Variants in TCF7L1 observed in about 807,000 individuals in gnomAD.
The protein encoded by TCF7L1 is transcription factor 7 like 1.
TCF7L1 carries 18 observed loss-of-function variants against 63.7 expected under a neutral mutation model. The observed-to-expected ratio is 0.28, with a 90% CI of 0.20 to 0.42. TCF7L1 has a LOEUF of 0.42. Among genes scored for constraint, TCF7L1 ranks in the 10% least tolerant of loss-of-function variants. TCF7L1 has a pLI of 1.00. For missense variants in TCF7L1, 654 were observed against 779.3 expected, an observed-to-expected ratio of 0.84 and a Z score of 1.91; for synonymous variants, 355 against 340.9, an observed-to-expected ratio of 1.04 and a Z score of -0.46.
intron 3 of TCF7L1, among the ~76,000 whole-genome samples, chr2:85,140,553 C>T (rs1677703627): frequency 6.6e-6 from 1 of 152,010 alleles, no homozygotes; most frequent in Admixed American, 6.6e-5. Flanking sequence ...AATCCCAGCT[C>T]TTTGGGAGGT....
chr2:85,198,955 C>T lies in TCF7L1; in HGVS notation c.441+64505C>T, dbSNP rs573497946. 2.6e-5 allele frequency among the ~76,000 whole-genome samples: 4 copies of T among 152,248 alleles called. No homozygotes were observed. In the South Asian group the frequency reaches 8.3e-4, roughly 32 times the overall value. The stretch of plus-strand genomic sequence containing the variant: ...CCAGAGATAAGTAGGTGATGTAAAC[C>T]TCATCTTCCCAGCCCTGTAAAGAAA... On this transcript the variant is annotated intron_variant, in intron 3 of 11. Coordinates refer to ENST00000282111, the MANE Select transcript of TCF7L1 (RefSeq NM_031283.3).
chr2:85,283,289 G>A lies in TCF7L1; in HGVS notation c.442-206G>A, dbSNP rs148275811. Among the ~76,000 whole-genome samples the A allele has an allele frequency of 4.7e-3, 689 of 145,218 alleles. 4 individuals are homozygous for A. The highest frequency in any genetic ancestry group is 0.017 in the African/African-American group (629 of 36,138). ...GTCCCCCCCCCCAAAATGACATAGGGCGTGGTGAGGCTGGTAGTGATTGTA... is the reference window on the plus strand; with the variant it reads ...GTCCCCCCCCCCAAAATGACATAGGACGTGGTGAGGCTGGTAGTGATTGTA... On this transcript the variant is annotated intron_variant, in intron 3 of 11. Coordinates refer to ENST00000282111, the MANE Select transcript of TCF7L1 (RefSeq NM_031283.3).
intron 3 of TCF7L1, among the ~76,000 whole-genome samples, chr2:85,136,827 G>A (rs1458368452): frequency 6.6e-6 from 1 of 152,150 alleles, no homozygotes; most frequent in Non-Finnish European, 1.5e-5. Context: ...TGGTTGTCTG[G>A]ACTATAGGGT....
At position 85,134,507 on chromosome 2, in the gene TCF7L1, C is replaced by G; in HGVS notation, c.441+57C>G. ...GGGAGGCCGCGGCCCGCAGGATGCGCCCCCGGGCTTGGCCATGGAGTGGGG... is the reference window on the plus strand; with the variant it reads ...GGGAGGCCGCGGCCCGCAGGATGCGGCCCCGGGCTTGGCCATGGAGTGGGG... On this transcript the variant is annotated intron_variant, in intron 3 of 11. Transcript: ENST00000282111. This position sits in a 1 kb window ranked among gnomAD's most constrained non-coding sequence, Gnocchi z 5.0. 6.5e-7 allele frequency: 1 copy of G among 1,536,044 alleles called. No homozygotes were observed. Among genetic ancestry groups the G allele is most frequent in the Non-Finnish European group, 8.8e-7 (1 of 1,140,268 alleles).
chr2:85,163,424 C>T (rs1463015873), intron 3 of TCF7L1, among the ~76,000 whole-genome samples: 1 of 152,146 alleles, frequency 6.6e-6, no homozygotes, highest in African/African-American at 2.4e-5. Context: ...ATCACCCAGT[C>T]ACATCATCCA....
Position 85,306,201 on chromosome 2 carries a change from C to T in TCF7L1, c.990-5C>T. On this transcript the variant is annotated splice_region_variant and splice_polypyrimidine_tract_variant and intron_variant, in intron 8 of 11. Coordinates refer to ENST00000282111, the MANE Select transcript of TCF7L1 (RefSeq NM_031283.3). The surrounding 1 kb of genome is among the most constrained non-coding windows in gnomAD (Gnocchi z 4.3). ...ATGCTAACCTACAACCACGTGCCTT[C>T]CCAGGAAATCACCAGTCACCGTGAA... 1.2e-6 allele frequency: 2 copies of T among 1,614,026 alleles called. No homozygotes were observed. The highest frequency in any genetic ancestry group is 1.7e-6 in the Non-Finnish European group (2 of 1,179,974).
chr2:85,276,192 C>CT (rs1681265477), intron 3 of TCF7L1, among the ~76,000 whole-genome samples: 1 of 152,202 alleles, frequency 6.6e-6, no homozygotes. Flanking sequence ...ATTGGGAAAG[C>CT]TTTTCTGTCT....
chr2:85,144,719 CTG>C lies in TCF7L1; in HGVS notation c.441+10299_441+10300del, dbSNP rs772295408. 6.0e-3 allele frequency among the ~76,000 whole-genome samples: 845 copies of C among 140,490 alleles called. 5 individuals are homozygous for C. The highest frequency in any genetic ancestry group is 0.015 in the African/African-American group (566 of 36,678). 92.2% of individuals were successfully genotyped at this position (140,490 alleles called of 152,430 possible). A position where few individuals can be genotyped will look rare whatever the true frequency, so the allele number is the denominator to read the frequency against. On this transcript the variant is annotated intron_variant, in intron 3 of 11. Transcript: ENST00000282111. ...CCCATCCCCCTTTCTCTCTCTCTCT[CTG>C]TGTGTGTGTGTGTGTGTGTGTGTGT...
intron 3 of TCF7L1, among the ~76,000 whole-genome samples, chr2:85,270,174 G>T (rs962715984): frequency 6.6e-6 from 1 of 152,188 alleles, no homozygotes; most frequent in African/African-American, 2.4e-5. Flanking sequence ...CCAGATAAGC[G>T]CTTCCTGTTC....
intron 3 of TCF7L1, among the ~76,000 whole-genome samples, chr2:85,147,952 C>T (rs746622296): frequency 2.0e-5 from 3 of 151,972 alleles, no homozygotes; most frequent in Non-Finnish European, 4.4e-5. Context: ...GTAGTTTTTA[C>T]TTATTAATTA....
Position 85,134,629 on chromosome 2 carries a change from A to T in TCF7L1, c.441+179A>T, listed in dbSNP as rs746534353. ...CGAGGCTGCGCTGGCCAGTGCCTGG[A>T]TGAAAGTAAAGTTACTTTAACTTTT... On this transcript the variant is annotated intron_variant, in intron 3 of 11. Transcript: ENST00000282111. This position sits in a 1 kb window ranked among gnomAD's most constrained non-coding sequence, Gnocchi z 5.0. Among the ~76,000 whole-genome samples the T allele has an allele frequency of 6.6e-6, 1 of 152,256 alleles. No individual in the cohort carries two copies. Among genetic ancestry groups the T allele is most frequent in the African/African-American group, 2.4e-5 (1 of 41,472 alleles).
chr2:85,229,477 A>C (rs1412175117), intron 3 of TCF7L1, among the ~76,000 whole-genome samples: 2 of 152,264 alleles, frequency 1.3e-5, no homozygotes, highest in South Asian at 4.1e-4. Context: ...TGATAGGAAC[A>C]TGTGTACAAG....
rs76120599 is a variant in TCF7L1, at chr2:85,165,036, G to C, written c.441+30586G>C. On this transcript the variant is annotated intron_variant, in intron 3 of 11. Coordinates refer to ENST00000282111, the MANE Select transcript of TCF7L1 (RefSeq NM_031283.3). Reference sequence around the variant, plus strand: ...CTTTGCAATGCTGTGTATTTAATTTGTGCATTTAGCATCATTCTGTGGAGG... The same window carrying C: ...CTTTGCAATGCTGTGTATTTAATTTCTGCATTTAGCATCATTCTGTGGAGG... Among the ~76,000 whole-genome samples, 999 of 152,252 alleles carry C rather than the reference G, an allele frequency of 6.6e-3. 18 individuals carry two copies. Among genetic ancestry groups the C allele is most frequent in the South Asian group, 0.043 (208 of 4,818 alleles).
intron 4 of TCF7L1, among the ~76,000 whole-genome samples, chr2:85,293,597 A>G (rs1368994441): frequency 6.6e-6 from 1 of 152,214 alleles, no homozygotes; most frequent in African/African-American, 2.4e-5. Flanking sequence ...ACAGACTAAT[A>G]CGTAGGGGCA....
intron 3 of TCF7L1, among the ~76,000 whole-genome samples, chr2:85,208,108 G>A (rs756601526): frequency 1.4e-4 from 22 of 152,178 alleles, no homozygotes; most frequent in South Asian, 4.2e-4. Context: ...GGGTTTCACC[G>A]TGTTAGCCAG....
At chr2:85,178,979 A>T (rs1399133554) in intron 3 of TCF7L1, among the ~76,000 whole-genome samples, 1 of 152,144 alleles carries the variant, frequency 6.6e-6, no homozygotes, top group Non-Finnish European at 1.5e-5. Context: ...ACCTGAGAGG[A>T]GAGAAAGTAA....
chr2:85,151,540 T>A (rs2583540), intron 3 of TCF7L1, among the ~76,000 whole-genome samples: 83,237 of 151,934 alleles, frequency 0.55, 23,242 homozygotes, highest in East Asian at 0.86. Flanking sequence ...TTTACCTCAT[T>A]TGCAGTTTCA....
intron 3 of TCF7L1, among the ~76,000 whole-genome samples, chr2:85,173,468 T>C (rs944088509): frequency 1.3e-5 from 2 of 152,188 alleles, no homozygotes; most frequent in African/African-American, 2.4e-5. Context: ...GGGCGCATGA[T>C]TTTGATTACA....
At chr2:85,308,375 C>CCTTTTCTCCCTCCCTT (rs1682171483) in intron 11 of TCF7L1, among the ~76,000 whole-genome samples, 1 of 103,630 alleles carries the variant, frequency 9.6e-6, no homozygotes, top group Non-Finnish European at 2.2e-5. Context: ...CTTCCTCCCT[C>CCTTTTCTCCCTCCCTT]CCTTTCACCT....
Sources: allele counts gnomAD v4.1 joint callset (sites outside exome capture counted in the v4.1 genomes callset), GRCh38; gene constraint gnomAD v4.1.1; non-coding constraint Gnocchi (gnomAD v3.1); transcripts MANE v1.5; gene names NCBI Gene and HGNC (gene_info 2026-07-23, HGNC 2026-07-21).